The following PPARA variants were observed in gnomAD, a reference collection of about 807,000 sequenced individuals.
PPARA encodes the protein peroxisome proliferator-activated receptor alpha.
A neutral mutation model predicts 42.2 loss-of-function variants in PPARA; 22 were observed. The ratio of observed to expected loss-of-function variants is 0.52; its 90% CI spans 0.37 to 0.74. The LOEUF is 0.74. Among genes scored for constraint, PPARA ranks in the 30% least tolerant of loss-of-function variants. PPARA has a pLI of 0.00. For missense variants in PPARA, 465 were observed against 608.2 expected, an observed-to-expected ratio of 0.76 and a Z score of 2.48; for synonymous variants, 242 against 239.3, an observed-to-expected ratio of 1.01 and a Z score of -0.10.
chr22:46,223,339 G>T (rs548495390), intron 7 of PPARA, among the ~76,000 whole-genome samples: 4 of 152,088 alleles, frequency 2.6e-5, no homozygotes, highest in Admixed American at 1.3e-4. Flanking sequence ...TTTGCATTTT[G>T]GCCTTAAAGA....
At position 46,243,139 on chromosome 22, in the gene PPARA, T is replaced by C. The variant is rs1007141901; in HGVS notation, c.*7759T>C. On this transcript the variant is annotated 3_prime_UTR_variant, in exon 9 of 9. Transcript: ENST00000407236. This position sits in a 1 kb window ranked among gnomAD's most constrained non-coding sequence, Gnocchi z 5.0. ...CCCCGTGAGTCTCCCCATACCTTGT[T>C]TCCAATAACTTGGCAAAACTTCTTG... 6.6e-6 allele frequency: 1 copy of C among 152,406 alleles called. No homozygotes were observed. The highest frequency in any genetic ancestry group is 2.4e-5 in the African/African-American group (1 of 41,436). 9.4% of individuals were successfully genotyped at this position (152,406 alleles called of 1,614,324 possible).
In PPARA at chr22:46,188,019, C is replaced by A. The variant is rs542537315; in HGVS notation, c.-42-10323C>A. Among the ~76,000 whole-genome samples the A allele has an allele frequency of 6.6e-6, 1 of 152,322 alleles. No homozygotes were observed. Among genetic ancestry groups the A allele is most frequent in the East Asian group, 1.9e-4 (1 of 5,180 alleles). On this transcript the variant is annotated intron_variant, in intron 3 of 8. Coordinates refer to ENST00000407236, the MANE Select transcript of PPARA (RefSeq NM_005036.6). The surrounding 1 kb of genome is among the most constrained non-coding windows in gnomAD (Gnocchi z 5.0). ...TGGCCTCTGTGAGGATGAAAGACTTCATGGTGAGAAATACCTAGCGAACAG... is the reference window on the plus strand; with the variant it reads ...TGGCCTCTGTGAGGATGAAAGACTTAATGGTGAGAAATACCTAGCGAACAG...
Position 46,235,375 on chromosome 22 carries a change from T to C in PPARA, c.1402T>C (p.Tyr468His). The C allele has an allele frequency of 6.2e-7, 1 of 1,613,752 alleles. No homozygotes were observed. Among genetic ancestry groups the C allele is most frequent in the Non-Finnish European group, 8.5e-7 (1 of 1,179,912 alleles). Reference sequence around the variant, plus strand: ...ACTGCAGGAGATCTACAGGGACATGTACTGAGTTCCTTCAGATCAGCCACA... The same window carrying C: ...ACTGCAGGAGATCTACAGGGACATGCACTGAGTTCCTTCAGATCAGCCACA... ...PLLQEIYRDMY is the reference protein window; with the variant it reads ...PLLQEIYRDMH Residue 468 changes from tyrosine (Y) to histidine (H), a missense_variant, in exon 9 of 9, where the codon TAC becomes CAC. Tyr to His is a moderately conservative substitution (Grantham distance 83). This residue lies in a region of PPARA where 313 missense variants were observed against 469.1 expected (regional missense o/e 0.67). Transcript: ENST00000407236. This position sits in a 1 kb window ranked among gnomAD's most constrained non-coding sequence, Gnocchi z 7.0.
intron 2 of PPARA, among the ~76,000 whole-genome samples, chr22:46,159,678 GA>G (rs1290723739): frequency 2.0e-5 from 3 of 152,222 alleles, no homozygotes; most frequent in African/African-American, 7.2e-5. Flanking sequence ...AAGGTGTTCT[GA>G]AAGAGGGAAT....
rs929721875 is a variant in PPARA at position 46,230,408 on chromosome 22, A to T, written c.712-1384A>T. 7.2e-5 allele frequency among the ~76,000 whole-genome samples: 11 copies of T among 152,110 alleles called. No individual in the cohort carries two copies. Among genetic ancestry groups the T allele is most frequent in the African/African-American group, 2.7e-4 (11 of 41,400 alleles). On this transcript the variant is annotated intron_variant, in intron 7 of 8. Coordinates refer to ENST00000407236, the MANE Select transcript of PPARA (RefSeq NM_005036.6). This position sits in a 1 kb window ranked among gnomAD's most constrained non-coding sequence, Gnocchi z 5.0. ...AAATAACACCTTAGCCCACTGCATT[A>T]TTGACCTGTGTCTGCATGAGCTGTG...
At position 46,233,005 on chromosome 22, in the gene PPARA, TAC is replaced by T. The variant is rs34036883; in HGVS notation, c.1159+786_1159+787del. Among the ~76,000 whole-genome samples, 30,711 of 138,526 alleles carry T rather than the reference TAC, an allele frequency of 0.22. 5,532 individuals are homozygous for T. The highest frequency in any genetic ancestry group is 0.5 in the African/African-American group (18,575 of 37,166). 90.9% of individuals were successfully genotyped at this position (138,526 alleles called of 152,430 possible). A position where few individuals can be genotyped will look rare whatever the true frequency, so the allele number is the denominator to read the frequency against. ...TCAAAAAAAAAAAAAAAAAAAATTA[TAC>T]ACACACACACACACACACATTTCGT... On this transcript the variant is annotated intron_variant, in intron 8 of 8. Transcript: ENST00000407236. This position sits in a 1 kb window ranked among gnomAD's most constrained non-coding sequence, Gnocchi z 7.3.
At chr22:46,199,968 C>T (rs371183462) in intron 4 of PPARA, among the ~76,000 whole-genome samples, 113 of 152,320 alleles carry the variant, frequency 7.4e-4, no homozygotes, top group Non-Finnish European at 1.4e-3. Flanking sequence ...GGTGGTCCGC[C>T]TGCCTCAGCC....
Position 46,162,826 on chromosome 22 carries a change from C to A in PPARA, c.-127+10856C>A, listed in dbSNP as rs544492046. Among the ~76,000 whole-genome samples, 1 of 152,320 alleles carries A rather than the reference C, an allele frequency of 6.6e-6. No individual in the cohort carries two copies. Among genetic ancestry groups the A allele is most frequent in the Admixed American group, 6.5e-5 (1 of 15,306 alleles). On this transcript the variant is annotated intron_variant, in intron 2 of 8. Transcript: ENST00000407236. The surrounding 1 kb of genome is among the most constrained non-coding windows in gnomAD (Gnocchi z 6.0). ...GGCAGGAGTTTTGTCCTTCAGATAACCTATGGCATTTGAGTCACTCTGATT... is the reference window on the plus strand; with the variant it reads ...GGCAGGAGTTTTGTCCTTCAGATAAACTATGGCATTTGAGTCACTCTGATT...
Position 46,183,571 on chromosome 22 carries a change from G to C in PPARA, c.-43+6735G>C, listed in dbSNP as rs1011257200. 6.6e-6 allele frequency among the ~76,000 whole-genome samples: 1 copy of C among 152,108 alleles called. No individual in the cohort carries two copies. Among genetic ancestry groups the C allele is most frequent in the African/African-American group, 2.4e-5 (1 of 41,432 alleles). ...AGCCTGGGCAACATGGCGAAACCCT[G>C]TCTATACAAAAAATAGAAAAATTAG... On this transcript the variant is annotated intron_variant, in intron 3 of 8. Coordinates refer to ENST00000407236, the MANE Select transcript of PPARA (RefSeq NM_005036.6). This position sits in a 1 kb window ranked among gnomAD's most constrained non-coding sequence, Gnocchi z 5.5.
intron 3 of PPARA, among the ~76,000 whole-genome samples, chr22:46,194,902 T>C (rs994450127): frequency 1.4e-5 from 2 of 145,390 alleles, no homozygotes; most frequent in East Asian, 2.1e-4. Context: ...TCTTTTTTTT[T>C]TTTTTTTTTC....
rs1936125104 is a variant in PPARA, at chr22:46,235,017, G to A, written c.1160-116G>A. On this transcript the variant is annotated intron_variant, in intron 8 of 8. Transcript: ENST00000407236. The surrounding 1 kb of genome is among the most constrained non-coding windows in gnomAD (Gnocchi z 7.0). Reference sequence around the variant, plus strand: ...GTCAAGTTGACAATATCTAAAGGCAGCTCAGTTTTTTTCTAAGAAAGGCCA... The same window carrying A: ...GTCAAGTTGACAATATCTAAAGGCAACTCAGTTTTTTTCTAAGAAAGGCCA... 6 of 1,414,672 alleles carry A rather than the reference G, an allele frequency of 4.2e-6. No homozygotes were observed. The highest frequency in any genetic ancestry group is 4.2e-5 in the African/African-American group (3 of 70,738). The allele number at this position is 1,414,672 out of a possible 1,614,324, so 87.6% of individuals were successfully genotyped here.
rs1414446734 is a variant in PPARA, at chr22:46,219,988, C to T, written c.685C>T (p.Leu229Phe). The T allele has an allele frequency of 1.2e-6, 2 of 1,614,154 alleles. No individual in the cohort carries two copies. Among genetic ancestry groups the T allele is most frequent in the South Asian group, 2.2e-5 (2 of 91,086 alleles). ...NMNKVKARVI[L>F]SGKASNNPPF... ...GAACAAGGTCAAAGCCCGGGTCATC[C>T]TCTCAGGAAAGGCCAGTAACAATCC... Residue 229 changes from leucine (L) to phenylalanine (F), a missense_variant, in exon 7 of 9, where the codon CTC becomes TTC. Around this residue, in one of 2 missense-constraint regions of PPARA, gnomAD observed 313 missense variants for 469.1 expected, o/e 0.67. Transcript: ENST00000407236. The surrounding 1 kb of genome is among the most constrained non-coding windows in gnomAD (Gnocchi z 4.8).
At position 46,162,240 on chromosome 22, in the gene PPARA, G is replaced by A. The variant is rs1199178913; in HGVS notation, c.-127+10270G>A. ...GGCAGGTAGTGTGAGCTTGGTAGGT[G>A]CTTCCTTGCTTATCATTGCCTCTCC... On this transcript the variant is annotated intron_variant, in intron 2 of 8. Transcript: ENST00000407236. The surrounding 1 kb of genome is among the most constrained non-coding windows in gnomAD (Gnocchi z 6.0). Among the ~76,000 whole-genome samples, 1 of 152,180 alleles carries A rather than the reference G, an allele frequency of 6.6e-6. No homozygotes were observed. Among genetic ancestry groups the A allele is most frequent in the Non-Finnish European group, 1.5e-5 (1 of 68,016 alleles).
At position 46,232,214 on chromosome 22, in the gene PPARA, T is replaced by C. The variant is rs749835209; in HGVS notation, c.1134T>C (p.Phe378=). The change falls in exon 8 of 9, where the codon TTT becomes TTC. Residue 378 remains phenylalanine, a synonymous_variant. Coordinates refer to ENST00000407236, the MANE Select transcript of PPARA (RefSeq NM_005036.6). This position sits in a 1 kb window ranked among gnomAD's most constrained non-coding sequence, Gnocchi z 5.3. ...LELDDSDISL[F]VAAIICCGDR... is the part of the protein sequence containing the mutation. ...TGGATGACAGTGATATCTCCCTTTT[T>C]GTGGCTGCTATCATTTGCTGTGGAG... 10 of 1,614,076 alleles carry C rather than the reference T, an allele frequency of 6.2e-6. No homozygotes were observed. The Admixed American group carries it at 1.2e-4, about 19-fold the overall frequency.
intron 4 of PPARA, among the ~76,000 whole-genome samples, chr22:46,207,671 A>T (rs868515411): frequency 0.012 from 922 of 74,082 alleles, 21 homozygotes; most frequent in African/African-American, 0.028. Flanking sequence ...TATTATTATT[A>T]TTATTATTTT....
chr22:46,165,510 G>A lies in PPARA; in HGVS notation c.-126-11243G>A, dbSNP rs1253990300. On this transcript the variant is annotated intron_variant, in intron 2 of 8. Coordinates refer to ENST00000407236, the MANE Select transcript of PPARA (RefSeq NM_005036.6). This position sits in a 1 kb window ranked among gnomAD's most constrained non-coding sequence, Gnocchi z 5.5. ...TGTTTGGGGCCATTGTGTCCCTGGGGTGTTGGCCAATTTATGAAAGAAGCA... is the reference window on the plus strand; with the variant it reads ...TGTTTGGGGCCATTGTGTCCCTGGGATGTTGGCCAATTTATGAAAGAAGCA... Among the ~76,000 whole-genome samples, 1 of 152,200 alleles carries A rather than the reference G, an allele frequency of 6.6e-6. No homozygotes were observed. Among genetic ancestry groups the A allele is most frequent in the Non-Finnish European group, 1.5e-5 (1 of 68,036 alleles).
chr22:46,230,643 C>A lies in PPARA; in HGVS notation c.712-1149C>A, dbSNP rs1007525611. Reference sequence around the variant, plus strand: ...AGGAAATGGCAGGCCACTGGGTTTACATGCAGATGGCATGGGAGCACACAA... The same window carrying A: ...AGGAAATGGCAGGCCACTGGGTTTAAATGCAGATGGCATGGGAGCACACAA... On this transcript the variant is annotated intron_variant, in intron 7 of 8. Transcript: ENST00000407236. This position sits in a 1 kb window ranked among gnomAD's most constrained non-coding sequence, Gnocchi z 5.0. 6.6e-6 allele frequency among the ~76,000 whole-genome samples: 1 copy of A among 152,186 alleles called. No homozygotes were observed.
rs56838159 is a variant in PPARA at position 46,191,485 on chromosome 22, G to GTT, written c.-42-6842_-42-6841dup. ...GTTCCTCCCTATTGTGTTCAGTATG[G>GTT]TTTTTTTTTTTTTTTTCCTTTTGCT... is the stretch of plus-strand genomic sequence containing the variant. On this transcript the variant is annotated intron_variant, in intron 3 of 8. Transcript: ENST00000407236. The surrounding 1 kb of genome is among the most constrained non-coding windows in gnomAD (Gnocchi z 4.6). Among the ~76,000 whole-genome samples the GTT allele has an allele frequency of 1.9e-4, 26 of 137,416 alleles. No homozygotes were observed. The highest frequency in any genetic ancestry group is 3.2e-4 in the Non-Finnish European group (20 of 62,682). The allele number at this position is 137,416 out of a possible 152,430, so 90.2% of individuals were successfully genotyped here. A position where few individuals can be genotyped will look rare whatever the true frequency, so the allele number is the denominator to read the frequency against.
At chr22:46,201,548 G>A (rs965577097) in intron 4 of PPARA, among the ~76,000 whole-genome samples, 2 of 152,166 alleles carry the variant, frequency 1.3e-5, no homozygotes, top group Non-Finnish European at 2.9e-5. Flanking sequence ...CGCCTTGAGT[G>A]GCCTGGGTAG....
Sources: allele counts gnomAD v4.1 joint callset (sites outside exome capture counted in the v4.1 genomes callset), GRCh38; gene constraint gnomAD v4.1.1; regional missense constraint gnomAD v4.1.1; non-coding constraint Gnocchi (gnomAD v3.1); transcripts MANE v1.5; gene names NCBI Gene and HGNC (gene_info 2026-07-23, HGNC 2026-07-21).